Variants in PPP1R14C observed in about 807,000 individuals in gnomAD.
PPP1R14C encodes the protein protein phosphatase 1 regulatory inhibitor subunit 14C.
In PPP1R14C, 16 loss-of-function variants were observed where a neutral mutation model predicts 20.4. The ratio of observed to expected loss-of-function variants is 0.78; its 90% CI spans 0.53 to 1.19. PPP1R14C has a LOEUF of 1.19. PPP1R14C is among the 50% of genes most tolerant of loss of function. PPP1R14C has a pLI of 0.00. For synonymous variants in PPP1R14C, 91 were observed against 91.0 expected (o/e 1.00, Z 0.00); for missense variants, 211 against 220.1 (o/e 0.96, Z 0.26).
At chr6:150,188,603 C>T (rs1472782452) in intron 1 of PPP1R14C, among the ~76,000 whole-genome samples, 3 of 148,656 alleles carry the variant, frequency 2.0e-5, no homozygotes, top group African/African-American at 7.4e-5. Context: ...TCTCCTGCCT[C>T]AGCCTCCTGA....
At position 150,171,581 on chromosome 6, in the gene PPP1R14C, G is replaced by A. The variant is rs547522446; in HGVS notation, c.306+28083G>A. Among the ~76,000 whole-genome samples, 7 of 152,266 alleles carry A rather than the reference G, an allele frequency of 4.6e-5. No individual in the cohort carries two copies. In the South Asian group the frequency reaches 6.2e-4, roughly 14 times the overall value. Reference sequence around the variant, plus strand: ...GAATCTGTGATTGACGCACACATTTGAAAGTTAAGTGATTTTCTTCAGGCT... The same window carrying A: ...GAATCTGTGATTGACGCACACATTTAAAAGTTAAGTGATTTTCTTCAGGCT... On this transcript the variant is annotated intron_variant, in intron 1 of 3. Coordinates refer to ENST00000361131, the MANE Select transcript of PPP1R14C (RefSeq NM_030949.3).
chr6:150,230,506 C>G (rs757246065), intron 3 of PPP1R14C, among the ~76,000 whole-genome samples: 3 of 152,160 alleles, frequency 2.0e-5, no homozygotes, highest in Non-Finnish European at 4.4e-5. Flanking sequence ...TGCTGTTTCT[C>G]TCCCGTCCCC....
chr6:150,245,573 CCT>C (rs1308693596), intron 3 of PPP1R14C, among the ~76,000 whole-genome samples: 1 of 152,168 alleles, frequency 6.6e-6, no homozygotes, highest in Non-Finnish European at 1.5e-5. Context: ...CAAGATGGCC[CCT>C]CTCTGTTAAT....
At chr6:150,149,164 C>G (rs568778551) in intron 1 of PPP1R14C, among the ~76,000 whole-genome samples, 18 of 152,096 alleles carry the variant, frequency 1.2e-4, no homozygotes, top group Admixed American at 2.0e-4. Context: ...TAGGGAAATG[C>G]GGGGTGGAAG....
chr6:150,232,202 A>C (rs142000568), intron 3 of PPP1R14C, among the ~76,000 whole-genome samples: 131 of 151,366 alleles, frequency 8.7e-4, no homozygotes, highest in Non-Finnish European at 1.6e-3. Flanking sequence ...CTACTTGCTT[A>C]TTGGGTGTTC....
At chr6:150,172,096 C>G (rs2014859) in intron 1 of PPP1R14C, among the ~76,000 whole-genome samples, 37,666 of 152,180 alleles carry the variant, frequency 0.25, 4,981 homozygotes, top group South Asian at 0.35. Flanking sequence ...GTGTGAGCCA[C>G]TGCACCCGGC....
Position 150,185,721 on chromosome 6 carries a change from C to G in PPP1R14C, c.307-29023C>G, listed in dbSNP as rs1405906737. Among the ~76,000 whole-genome samples, 1 of 152,140 alleles carries G rather than the reference C, an allele frequency of 6.6e-6. No individual in the cohort carries two copies. Among genetic ancestry groups the G allele is most frequent in the East Asian group, 1.9e-4 (1 of 5,178 alleles). ...AGGATAGGCGAGGCTATGTTACACTCAGGAGTGACCCAAACTTTCAGTGGC... is the reference window on the plus strand; with the variant it reads ...AGGATAGGCGAGGCTATGTTACACTGAGGAGTGACCCAAACTTTCAGTGGC... On this transcript the variant is annotated intron_variant, in intron 1 of 3. Coordinates refer to ENST00000361131, the MANE Select transcript of PPP1R14C (RefSeq NM_030949.3). The surrounding 1 kb of genome is among the most constrained non-coding windows in gnomAD (Gnocchi z 4.1).
At chr6:150,197,799 G>A (rs771648103) in intron 1 of PPP1R14C, among the ~76,000 whole-genome samples, 2,268 of 106,774 alleles carry the variant, frequency 0.021, 1 homozygote, top group Non-Finnish European at 0.035. Flanking sequence ...CTGGATGCCC[G>A]GCTTTGTGTG....
At chr6:150,151,589 A>T (rs943000682) in intron 1 of PPP1R14C, among the ~76,000 whole-genome samples, 1 of 152,160 alleles carries the variant, frequency 6.6e-6, no homozygotes, top group Non-Finnish European at 1.5e-5. Flanking sequence ...TATTGTTTCT[A>T]CTACTGCTGG....
At chr6:150,217,597 G>A (rs1472277182) in intron 3 of PPP1R14C, among the ~76,000 whole-genome samples, 1 of 152,160 alleles carries the variant, frequency 6.6e-6, no homozygotes, top group East Asian at 1.9e-4. Context: ...TTTATCAAGT[G>A]TAATGTATAA....
rs184228200 is a variant in PPP1R14C at position 150,192,341 on chromosome 6, C to T, written c.307-22403C>T. Among the ~76,000 whole-genome samples the T allele has an allele frequency of 2.2e-4, 33 of 152,136 alleles. No individual in the cohort carries two copies. In the East Asian group the frequency reaches 2.5e-3, roughly 12 times the overall value. Reference sequence around the variant, plus strand: ...ACTGGGGGTTGGGTGCAGATGGTTTCGGGATGAAACTGTTCCATCTCAGAT... The same window carrying T: ...ACTGGGGGTTGGGTGCAGATGGTTTTGGGATGAAACTGTTCCATCTCAGAT... On this transcript the variant is annotated intron_variant, in intron 1 of 3. Transcript: ENST00000361131.
intron 1 of PPP1R14C, among the ~76,000 whole-genome samples, chr6:150,161,635 C>G (rs1162470359): frequency 2.0e-5 from 3 of 150,440 alleles, no homozygotes; most frequent in Non-Finnish European, 4.4e-5. Context: ...TATATATGTA[C>G]AGCAATATCA....
At chr6:150,207,026 G>A (rs148581406) in intron 1 of PPP1R14C, among the ~76,000 whole-genome samples, 26 of 152,006 alleles carry the variant, frequency 1.7e-4, no homozygotes, top group Middle Eastern at 3.4e-3. Context: ...CACTATCCTC[G>A]TCTAATTTTT....
intron 3 of PPP1R14C, among the ~76,000 whole-genome samples, chr6:150,227,789 C>A (rs1311745425): frequency 6.6e-6 from 1 of 152,192 alleles, no homozygotes; most frequent in Non-Finnish European, 1.5e-5. Flanking sequence ...ATTTTAGTGG[C>A]TGTAGCCACT....
At chr6:150,199,079 C>T (rs1196969808) in intron 1 of PPP1R14C, among the ~76,000 whole-genome samples, 1 of 151,850 alleles carries the variant, frequency 6.6e-6, no homozygotes, top group African/African-American at 2.4e-5. Flanking sequence ...AGCACTGGCT[C>T]TCAGAGGCTA....
chr6:150,213,390 A>G (rs1180545783), intron 1 of PPP1R14C, among the ~76,000 whole-genome samples: 1 of 151,250 alleles, frequency 6.6e-6, no homozygotes, highest in Non-Finnish European at 1.5e-5. Flanking sequence ...CAAGAGGTTG[A>G]GTACTATTAC....
intron 1 of PPP1R14C, among the ~76,000 whole-genome samples, chr6:150,181,608 T>C (rs1013312008): frequency 2.0e-5 from 3 of 152,222 alleles, no homozygotes; most frequent in Non-Finnish European, 4.4e-5. Context: ...TTTAAAAAAA[T>C]TTTTTGCTGA....
At chr6:150,194,689 A>G in intron 1 of PPP1R14C, 3 of 985,326 alleles carry the variant, frequency 3.0e-6, no homozygotes, top group Non-Finnish European at 3.6e-6. Context: ...TCCTTGGTGA[A>G]TCTGATAAAA....
At chr6:150,145,129 G>A (rs1777167981) in intron 1 of PPP1R14C, among the ~76,000 whole-genome samples, 1 of 152,170 alleles carries the variant, frequency 6.6e-6, no homozygotes, top group African/African-American at 2.4e-5. Flanking sequence ...GCTAGAAAGA[G>A]CTCTACCCAC....
Sources: allele counts gnomAD v4.1 joint callset (sites outside exome capture counted in the v4.1 genomes callset), GRCh38; gene constraint gnomAD v4.1.1; non-coding constraint Gnocchi (gnomAD v3.1); transcripts MANE v1.5; gene names NCBI Gene and HGNC (gene_info 2026-07-23, HGNC 2026-07-21).